The following SLX4 variants were observed in gnomAD, a reference collection of about 807,000 sequenced individuals.
The protein encoded by SLX4 is SLX4 structure-specific endonuclease subunit.
Under a neutral mutation model 146.2 loss-of-function variants are expected in SLX4, and 112 were observed. That is an observed-to-expected ratio of 0.77 (90% CI 0.66 to 0.90). The LOEUF is 0.90. Ranked by LOEUF, SLX4 falls within the 40% of genes least tolerant of loss-of-function variation. The probability of loss-of-function intolerance (pLI) is 0.00; values close to 1 mark genes in which losing one functional copy is unlikely to be tolerated. For synonymous variants in SLX4, 1,061 were observed against 997.7 expected (o/e 1.06, Z -1.20); for missense variants, 2,563 against 2,392.7 (o/e 1.07, Z -1.49).
chr16:3,588,425 G>C (rs1329622005), intron 12 of SLX4, among the ~76,000 whole-genome samples: 1 of 152,234 alleles, frequency 6.6e-6, no homozygotes, highest in Non-Finnish European at 1.5e-5. Flanking sequence ...CTTTGTGGCT[G>C]AACACTATTC....
In SLX4 at chr16:3,589,241, T is replaced by C. The variant is rs753668854; in HGVS notation, c.4397A>G (p.Asp1466Gly). Residue 1466 changes from aspartate to glycine, a missense_variant, in exon 12 of 15, where the codon GAC becomes GGC. By Grantham distance (94) the Asp-to-Gly change is moderately conservative. Transcript: ENST00000294008. The surrounding 1 kb of genome is among the most constrained non-coding windows in gnomAD (Gnocchi z 6.2). ...GTCCAGGAGTCCCGGGGAGCGACAG[T>C]CACGGCTGTCGGCGGCCTCGTTCAT... is the stretch of plus-strand genomic sequence containing the variant. Reference protein sequence around the residue: ...RRMNEAADSRDCRSPGLLDTT... With the variant: ...RRMNEAADSRGCRSPGLLDTT... 6.2e-7 allele frequency: 1 copy of C among 1,608,240 alleles called. No homozygotes were observed. The highest frequency in any genetic ancestry group is 2.2e-5 in the East Asian group (1 of 44,758).
rs1265054070 is a variant in SLX4 at position 3,609,219 on chromosome 16, C to CA, written c.-256dup. The CA allele has an allele frequency of 4.7e-6, 2 of 424,852 alleles. No individual in the cohort carries two copies. Among genetic ancestry groups the CA allele is most frequent in the Non-Finnish European group, 4.4e-6 (1 of 228,256 alleles). The allele number at this position is 424,852 out of a possible 1,614,324, so 26.3% of individuals were successfully genotyped here. A position where few individuals can be genotyped will look rare whatever the true frequency, so the allele number is the denominator to read the frequency against. ...GTCAGAAGTTCGAGACCAGCCTGGC[C>CA]AATATGGTGAAACCTCGTTTCAACT... On this transcript the variant is annotated 5_prime_UTR_variant, in exon 2 of 15. Coordinates refer to ENST00000294008, the MANE Select transcript of SLX4 (RefSeq NM_032444.4).
Position 3,592,432 on chromosome 16 carries a change from C to T in SLX4, c.2327+267G>A, listed in dbSNP as rs527766684. Among the ~76,000 whole-genome samples, 697 of 152,312 alleles carry T rather than the reference C, an allele frequency of 4.6e-3. 4 individuals carry two copies. The highest frequency in any genetic ancestry group is 6.5e-3 in the Non-Finnish European group (444 of 68,000). On this transcript the variant is annotated intron_variant, in intron 11 of 14. Transcript: ENST00000294008. The stretch of plus-strand genomic sequence containing the variant: ...AGCCAAGGGCCATTCTCTTATCACA[C>T]CTAGGGGGTTAAAAACCACGGGACT...
In SLX4 at chr16:3,589,377, T is replaced by A. The variant is rs141567438; in HGVS notation, c.4261A>T (p.Ile1421Phe). The A allele has an allele frequency of 9.5e-4, 1,507 of 1,590,344 alleles. 2 individuals carry two copies. The highest frequency in any genetic ancestry group is 1.2e-3 in the Non-Finnish European group (1,412 of 1,165,334). ...RSPPLDSDPP[I>F]PIDDCCWHME... Reference sequence around the variant, plus strand: ...TGCCAGCAGCAGTCGTCAATTGGAATTGGGGGGTCACTGTCCAGTGGGGGG... The same window carrying A: ...TGCCAGCAGCAGTCGTCAATTGGAAATGGGGGGTCACTGTCCAGTGGGGGG... Residue 1421 changes from isoleucine to phenylalanine, a missense_variant, in exon 12 of 15, where the codon ATT becomes TTT. By Grantham distance (21) the Ile-to-Phe change is conservative. Transcript: ENST00000294008. The surrounding 1 kb of genome is among the most constrained non-coding windows in gnomAD (Gnocchi z 6.2).
Position 3,608,849 on chromosome 16 carries a change from T to G in SLX4, c.116A>C (p.Lys39Thr), listed in dbSNP as rs1205588827. 2 of 1,614,162 alleles carry G rather than the reference T, an allele frequency of 1.2e-6. No homozygotes were observed. Among genetic ancestry groups the G allele is most frequent in the Non-Finnish European group, 1.7e-6 (2 of 1,180,040 alleles). Residue 39 changes from lysine to threonine, a missense_variant, in exon 2 of 15, where the codon AAA (lysine) becomes ACA (threonine). Physicochemically the swap from Lys to Thr is moderately conservative, Grantham distance 78 (BLOSUM62 -1). Transcript: ENST00000294008. ...AGACTCATCCATCATCTGACCAGTT[T>G]TAAGGCTTTCAGGCTGGTCTTCAGA... ...RSSEDQPESL[K>T]TGQMMDESDE...
chr16:3,592,463 G>C (rs556181995), intron 11 of SLX4, among the ~76,000 whole-genome samples: 3 of 152,338 alleles, frequency 2.0e-5, no homozygotes, highest in South Asian at 4.1e-4. Flanking sequence ...GGACTCAATA[G>C]AGTCCTCCTG....
At position 3,582,512 on chromosome 16, in the gene SLX4, G is replaced by A. The variant is rs973283650; in HGVS notation, c.5335C>T (p.Arg1779Trp). Residue 1779 changes from arginine to tryptophan, a missense_variant, in exon 15 of 15, where the codon CGG becomes TGG. Physicochemically the swap from Arg to Trp is moderately radical, Grantham distance 101. Coordinates refer to ENST00000294008, the MANE Select transcript of SLX4 (RefSeq NM_032444.4). ...TGCCTCAGCTCTGCCTGCAGCTCCC[G>A]CAGCTCAAAGGGCTGGTACAGCAGC... ...KVLLYQPFEL[R>W]ELQAELRQNG... 5 of 1,613,910 alleles carry A rather than the reference G, an allele frequency of 3.1e-6. No homozygotes were observed. The highest frequency in any genetic ancestry group is 1.3e-5 in the African/African-American group (1 of 74,948).
In SLX4 at chr16:3,583,117, G is replaced by A. The variant is rs755815284; in HGVS notation, c.5133C>T (p.Asp1711=). 1.2e-6 allele frequency: 2 copies of A among 1,614,168 alleles called. No homozygotes were observed. Among genetic ancestry groups the A allele is most frequent in the Non-Finnish European group, 8.5e-7 (1 of 1,180,064 alleles). Residue 1711 remains aspartate (D), a synonymous_variant, in exon 14 of 15, where the codon GAC becomes GAT. Coordinates refer to ENST00000294008, the MANE Select transcript of SLX4 (RefSeq NM_032444.4). ...GTTACCTCTGTGAGCTCAAGGAGCT[G>A]TCACTGCCATCCACAGAGGTGGCCA... ...ESVATSVDGS[D]SSLSSQSSSS...
intron 4 of SLX4, chr16:3,601,811 T>G: frequency 2.6e-6 from 1 of 391,498 alleles, no homozygotes; most frequent in Non-Finnish European, 4.8e-6. Flanking sequence ...AGAGGGGCAA[T>G]AGGGAGTGGC....
Position 3,597,843 on chromosome 16 carries a change from C to T in SLX4, c.1320G>A (p.Ala440=), listed in dbSNP as rs776448104. 6.8e-6 allele frequency: 11 copies of T among 1,613,996 alleles called. No individual in the cohort carries two copies. The highest frequency in any genetic ancestry group is 3.3e-5 in the South Asian group (3 of 91,086). Residue 440 remains alanine, a synonymous_variant, in exon 6 of 15, where the codon GCG becomes GCA. Transcript: ENST00000294008. The surrounding 1 kb of genome is among the most constrained non-coding windows in gnomAD (Gnocchi z 4.4). ...CAGAAAAGGCACTTTCCAGCCTGAG[C>T]GCTGGTACAGCCGCACCCGGCTCCA... ...SEMEPGAAVP[A]LRLESAFSER... is the part of the protein sequence containing the mutation.
rs774317033 is a variant in SLX4 at position 3,602,056 on chromosome 16, C to T, written c.950+62G>A. ...AGGTGTGGAGATCCGCACTCCAGCC[C>T]TGGGGTGCTTGGGGATTCTGGTCAC... On this transcript the variant is annotated intron_variant, in intron 4 of 14. Transcript: ENST00000294008. 4 of 1,608,728 alleles carry T rather than the reference C, an allele frequency of 2.5e-6. No individual in the cohort carries two copies. The Admixed American group carries it at 6.7e-5, about 27-fold the overall frequency.
intron 2 of SLX4, 79 bp from the exon 3 acceptor site, chr16:3,606,777 C>G (rs563144482): frequency 3.3e-6 from 5 of 1,503,524 alleles, no homozygotes; most frequent in Non-Finnish European, 4.6e-6. Context: ...ACAGGTTAGA[C>G]GCAAGTTTCA....
rs1425908713 is a variant in SLX4 at position 3,589,034 on chromosome 16, C to T, written c.4604G>A (p.Gly1535Glu). ...PPPAQMPSAG[G>E]AQKPEGLETP... ...CTCTAACCCTTCGGGCTTCTGAGCT[C>T]CACCAGCGCTTGGCATCTGGGCCGG... The change falls in exon 12 of 15, where the codon GGA becomes GAA. Residue 1535 changes from glycine (G) to glutamate (E), a missense_variant. Physicochemically the swap from Gly to Glu is moderately conservative, Grantham distance 98. Transcript: ENST00000294008. This position sits in a 1 kb window ranked among gnomAD's most constrained non-coding sequence, Gnocchi z 6.2. 3 of 1,614,052 alleles carry T rather than the reference C, an allele frequency of 1.9e-6. No individual in the cohort carries two copies. The highest frequency in any genetic ancestry group is 2.2e-5 in the South Asian group (2 of 91,090).
chr16:3,582,380 G>A lies in SLX4; in HGVS notation c.5467C>T (p.Arg1823Trp), dbSNP rs771230395. 30 of 1,613,456 alleles carry A rather than the reference G, an allele frequency of 1.9e-5. No homozygotes were observed. Among genetic ancestry groups the A allele is most frequent in the Admixed American group, 3.3e-5 (2 of 60,010 alleles). The change falls in exon 15 of 15, where the codon CGG becomes TGG. Residue 1823 changes from arginine to tryptophan, a missense_variant. By Grantham distance (101) the Arg-to-Trp change is moderately radical. Transcript: ENST00000294008. ...TRREKLQGRRRQPRGKKKVER... is the reference protein window; with the variant it reads ...TRREKLQGRRWQPRGKKKVER... ...ACCTTCTTCTTGCCCCGAGGCTGCCGCCTCCTGCCCTGGAGCTTCTCCCTG... is the reference window on the plus strand; with the variant it reads ...ACCTTCTTCTTGCCCCGAGGCTGCCACCTCCTGCCCTGGAGCTTCTCCCTG...
chr16:3,602,400 A>G (rs971740202), intron 3 of SLX4, 93 bp from the exon 4 acceptor site: 1 of 1,474,834 alleles, frequency 6.8e-7, no homozygotes, highest in African/African-American at 1.4e-5. Context: ...GACCATGGGG[A>G]GCAGGTGGAA....
chr16:3,596,181 C>T lies in SLX4; in HGVS notation c.1896G>A (p.Gly632=), dbSNP rs200859735. 1.9e-6 allele frequency: 3 copies of T among 1,551,796 alleles called. No homozygotes were observed. Among genetic ancestry groups the T allele is most frequent in the African/African-American group, 1.4e-5 (1 of 73,256 alleles). Residue 632 remains glycine, a synonymous_variant, in exon 8 of 15, where the codon GGG becomes GGA. Coordinates refer to ENST00000294008, the MANE Select transcript of SLX4 (RefSeq NM_032444.4). The part of the protein sequence containing the change: ...GLSASPWPGS[G]GLAGSEGTAG... ...CAGTCCCTTCCGAGCCAGCCAGGCC[C>T]CCACTGCCGGGCCACGGGCTGGCGC...
intron 11 of SLX4, among the ~76,000 whole-genome samples, chr16:3,591,745 A>C (rs1414487146): frequency 1.3e-5 from 2 of 152,070 alleles, no homozygotes; most frequent in African/African-American, 4.8e-5. Flanking sequence ...ACAACATAGA[A>C]AGTCTCCATC....
chr16:3,584,250 G>A (rs961763889), intron 13 of SLX4, among the ~76,000 whole-genome samples: 1 of 152,068 alleles, frequency 6.6e-6, no homozygotes, highest in East Asian at 1.9e-4. Flanking sequence ...GTGAAACCCC[G>A]TCTCTACTAA....
At chr16:3,587,387 T>G (rs1200516439) in intron 12 of SLX4, among the ~76,000 whole-genome samples, 1 of 152,060 alleles carries the variant, frequency 6.6e-6, no homozygotes, top group Admixed American at 6.6e-5. Flanking sequence ...TCCCAGCTAC[T>G]CGGGAGGCTG....
Sources: allele counts gnomAD v4.1 joint callset (sites outside exome capture counted in the v4.1 genomes callset), GRCh38; gene constraint gnomAD v4.1.1; non-coding constraint Gnocchi (gnomAD v3.1); transcripts MANE v1.5; gene names NCBI Gene and HGNC (gene_info 2026-07-23, HGNC 2026-07-21).